C4orf50: variants seen among roughly 807,000 people sequenced by gnomAD.
C4orf50 encodes uncharacterized protein C4orf50.
A neutral mutation model predicts 77.2 loss-of-function variants in C4orf50; 80 were observed. That is an observed-to-expected ratio of 1.04 (90% CI 0.87 to 1.25). The LOEUF is 1.25. Among genes scored for constraint, C4orf50 ranks in the 50% most tolerant of loss-of-function variants. The pLI is 0.00. For missense variants in C4orf50, 1,257 were observed against 1,152.9 expected (o/e 1.09, Z -1.31); for synonymous variants, 532 against 465.3 (o/e 1.14, Z -1.84).
chr4:5,989,042 C>A (rs757492231), exon 28 of C4orf50: 3 of 1,536,066 alleles, frequency 2.0e-6, no homozygotes, highest in South Asian at 2.4e-5. Context: ...TCTTCAAGGT[C>A]AGAGATTGCC....
exon 28 of C4orf50, chr4:5,989,496 C>T (rs1263641063): frequency 1.3e-6 from 2 of 1,536,034 alleles, no homozygotes; most frequent in African/African-American, 2.7e-5. Context: ...AGTGAGCTCT[C>T]TCCCAGCCAC....
At chr4:6,003,596 G>A (rs1188797157) in intron 25 of C4orf50, among the ~76,000 whole-genome samples, 1 of 123,244 alleles carries the variant, frequency 8.1e-6, no homozygotes, top group African/African-American at 3.1e-5. Flanking sequence ...TGATGTTGAT[G>A]GTGGTGATGG....
rs1339522878 is a variant in C4orf50 at position 6,011,701 on chromosome 4, T to G, written c.426+129A>C. 2.5e-6 allele frequency: 1 copy of G among 397,368 alleles called. No individual in the cohort carries two copies. The highest frequency in any genetic ancestry group is 2.1e-5 in the African/African-American group (1 of 48,594). 24.6% of individuals were successfully genotyped at this position (397,368 alleles called of 1,614,324 possible). The stretch of plus-strand genomic sequence containing the variant: ...CGCCATGCACCATGAACGTAGGATC[T>G]CTCTAACCCTCCTGACTGGGCTCTC... On this transcript the variant is annotated intron_variant, in intron 24 of 33. Coordinates refer to ENST00000531445, the Ensembl canonical transcript of C4orf50. This position sits in a 1 kb window ranked among gnomAD's most constrained non-coding sequence, Gnocchi z 4.2.
chr4:5,935,034 T>A (rs1717946670), intron 7 of C4orf50, among the ~76,000 whole-genome samples: 1 of 152,254 alleles, frequency 6.6e-6, no homozygotes, highest in Non-Finnish European at 1.5e-5. Context: ...TCATGAAGGC[T>A]AAATGAGTTA....
At position 5,939,835 on chromosome 4, in the gene C4orf50, T is replaced by G. The variant is rs1352925889; in HGVS notation, c.*2474+17066A>C. ...TCAGAAGATCTCCCCTCTCCAGGAT[T>G]TGGCTCCTTTAGTCTTCACTGCTTC... is the stretch of plus-strand genomic sequence containing the variant. On this transcript the variant is annotated intron_variant, in intron 7 of 7. Coordinates refer to the C4orf50 transcript ENST00000324058. Among the ~76,000 whole-genome samples the G allele has an allele frequency of 2.6e-5, 4 of 152,316 alleles. No individual in the cohort carries two copies. In the East Asian group the frequency reaches 7.7e-4, roughly 29 times the overall value.
At position 5,967,387 on chromosome 4, in the gene C4orf50, C is replaced by G. The variant is rs201599033; in HGVS notation, c.4153+27G>C. 31 of 1,603,926 alleles carry G rather than the reference C, an allele frequency of 1.9e-5. No homozygotes were observed. The Middle Eastern group carries it at 8.3e-4, about 43-fold the overall frequency. On this transcript the variant is annotated intron_variant, in intron 32 of 33. Transcript: ENST00000531445. ...CCTGGACTTTTTCTGAGCACACAGG[C>G]TTTTCCTGATCAAAAATCACACTGA...
downstream of C4orf50, among the ~76,000 whole-genome samples, chr4:5,955,386 G>T (rs552051296): frequency 6.6e-6 from 1 of 152,076 alleles, no homozygotes; most frequent in Non-Finnish European, 1.5e-5. The surrounding 1 kb of genome is among the most constrained non-coding windows in gnomAD (Gnocchi z 5.1). Flanking sequence ...TGCCTCCAGC[G>T]TTACAGGGGA....
chr4:5,980,622 C>T (rs975783251), intron 28 of C4orf50, among the ~76,000 whole-genome samples: 6 of 151,974 alleles, frequency 3.9e-5, no homozygotes, highest in East Asian at 3.9e-4. Flanking sequence ...GCTTGGTTTC[C>T]GGAGGTGGGT....
chr4:5,928,907 C>T (rs1372049301), intron 7 of C4orf50, among the ~76,000 whole-genome samples: 1 of 152,138 alleles, frequency 6.6e-6, no homozygotes, highest in East Asian at 1.9e-4. Context: ...GAGATAATAA[C>T]ATTTCTGGGG....
chr4:5,957,128 T>C (rs1319578084), exon 34 of C4orf50: 1 of 152,164 alleles, frequency 6.6e-6, no homozygotes, highest in Admixed American at 6.5e-5. Context: ...GGAAACATGA[T>C]TTATTAGGGA....
exon 28 of C4orf50, chr4:5,990,200 G>T (rs1437217098): frequency 1.6e-6 from 2 of 1,244,914 alleles, no homozygotes; most frequent in African/African-American, 3.1e-5. Context: ...GACCCAGGGC[G>T]GCAGGTGGCG....
intron 7 of C4orf50, among the ~76,000 whole-genome samples, chr4:5,914,057 C>A (rs970528964): frequency 4.0e-5 from 6 of 151,536 alleles, no homozygotes; most frequent in African/African-American, 1.5e-4. Flanking sequence ...ACAATGATAG[C>A]ATGAAAAAAT....
rs562610419 is a variant in C4orf50, at chr4:5,970,726, A to G, written c.4104+2933T>C. 3.5e-4 allele frequency among the ~76,000 whole-genome samples: 54 copies of G among 152,194 alleles called. No homozygotes were observed. Among genetic ancestry groups the G allele is most frequent in the African/African-American group, 1.3e-3 (54 of 41,468 alleles). ...GAGGTGGTCACCGACTGCTGCTTGCATGGGCACCAGGCCACGCCACCTCCT... is the reference window on the plus strand; with the variant it reads ...GAGGTGGTCACCGACTGCTGCTTGCGTGGGCACCAGGCCACGCCACCTCCT... On this transcript the variant is annotated intron_variant, in intron 31 of 33. Transcript: ENST00000531445. This position sits in a 1 kb window ranked among gnomAD's most constrained non-coding sequence, Gnocchi z 4.3.
At chr4:6,004,022 ATAATGTGATAGTGATGATGG>A (rs1560598306) in intron 25 of C4orf50, among the ~76,000 whole-genome samples, 63 of 48,436 alleles carry the variant, frequency 1.3e-3, no homozygotes, top group South Asian at 3.1e-3. Context: ...TGTGATGGTG[ATAATGTGATAGTGATGATGG>A]TGATGGTGAT....
intron 26 of C4orf50, among the ~76,000 whole-genome samples, chr4:5,993,644 C>T (rs1721414133): frequency 6.6e-6 from 1 of 151,948 alleles, no homozygotes; most frequent in African/African-American, 2.4e-5. Context: ...TGGCAAAACC[C>T]CATCTTTACT....
intron 28 of C4orf50, among the ~76,000 whole-genome samples, chr4:5,985,591 TA>T (rs1393312274): frequency 1.3e-5 from 2 of 150,742 alleles, no homozygotes; most frequent in African/African-American, 2.4e-5. Context: ...TAACAAAATA[TA>T]ATTAATACCA....
At chr4:5,903,740 G>A (rs1436164955) in intron 7 of C4orf50, 1 of 152,176 alleles carries the variant, frequency 6.6e-6, no homozygotes, top group Non-Finnish European at 1.5e-5. Context: ...GCACCACAAT[G>A]TGAATGCACT....
intron 31 of C4orf50, among the ~76,000 whole-genome samples, chr4:5,972,243 T>C (rs1415750092): frequency 6.6e-6 from 1 of 152,144 alleles, no homozygotes; most frequent in African/African-American, 2.4e-5. Flanking sequence ...GACCTTGTGA[T>C]CTGTCCGCCC....
chr4:6,011,123 ATC>A lies in C4orf50; in HGVS notation c.426+705_426+706del, dbSNP rs927929590. 1.3e-5 allele frequency among the ~76,000 whole-genome samples: 2 copies of A among 151,962 alleles called. No homozygotes were observed. The highest frequency in any genetic ancestry group is 4.8e-5 in the African/African-American group (2 of 41,446). On this transcript the variant is annotated intron_variant, in intron 24 of 33. Coordinates refer to ENST00000531445, the Ensembl canonical transcript of C4orf50. This position sits in a 1 kb window ranked among gnomAD's most constrained non-coding sequence, Gnocchi z 4.2. ...TCGAACTTCTCCCCCTGCCTCCATC[ATC>A]TCTCTCTCCCATGCAGGGAGAATGG...
Sources: allele counts gnomAD v4.1 joint callset (sites outside exome capture counted in the v4.1 genomes callset), GRCh38; gene constraint gnomAD v4.1.1; non-coding constraint Gnocchi (gnomAD v3.1); transcripts MANE v1.5; gene names NCBI Gene and HGNC (gene_info 2026-07-23, HGNC 2026-07-21).